Variants in PCDH15 observed in about 807,000 individuals in gnomAD.
The protein encoded by PCDH15 is protocadherin related 15.
Under a neutral mutation model 178.5 loss-of-function variants are expected in PCDH15, and 129 were observed. The observed-to-expected ratio is 0.72, with a 90% CI of 0.63 to 0.84. The LOEUF (loss-of-function observed/expected upper bound fraction) is 0.84, where lower values mean the gene tolerates loss of function less well. PCDH15 is among the 40% of genes least tolerant of loss of function. PCDH15 has a pLI of 0.00. For synonymous variants in PCDH15, 800 were observed against 732.0 expected (o/e 1.09, Z -1.50); for missense variants, 2,230 against 2,099.9 (o/e 1.06, Z -1.21).
chr10:55,084,732 AAAAT>A (rs2132029538), intron 2 of PCDH15, among the ~76,000 whole-genome samples: 1 of 152,180 alleles, frequency 6.6e-6, no homozygotes, highest in South Asian at 2.1e-4. Context: ...ATATAGGAAA[AAAAT>A]CTAACAATCT....
chr10:54,599,542 A>G, intron 2 of PCDH15: 1 of 192,924 alleles, frequency 5.2e-6, no homozygotes, highest in Non-Finnish European at 1.0e-5. Flanking sequence ...AAAACCCAAA[A>G]CTATAAAAGC....
At position 54,984,366 on chromosome 10, in the gene PCDH15, ACT is replaced by A. The variant is rs893584475; in HGVS notation, c.-79-86868_-79-86867del. 2.5e-4 allele frequency among the ~76,000 whole-genome samples: 38 copies of A among 152,044 alleles called. 2 individuals are homozygous for A. Among genetic ancestry groups the A allele is most frequent in the African/African-American group, 8.9e-4 (37 of 41,478 alleles). Reference sequence around the variant, plus strand: ...CTCCCTTCTCCTTTTTCCCTTGGAGACTCTCATTACAGAGAGATCCTGCCCCA... The same window carrying A: ...CTCCCTTCTCCTTTTTCCCTTGGAGACTCATTACAGAGAGATCCTGCCCCA... On this transcript the variant is annotated intron_variant, in intron 2 of 5. Coordinates refer to the PCDH15 transcript ENST00000458638.
At chr10:53,974,764 TTTC>T (rs1489203390) in intron 21 of PCDH15, among the ~76,000 whole-genome samples, 1 of 152,170 alleles carries the variant, frequency 6.6e-6, no homozygotes, top group African/African-American at 2.4e-5. Context: ...CTCTGCCCTT[TTTC>T]TTATTTTTTT....
At chr10:55,108,895 G>T (rs1837425620) in intron 2 of PCDH15, among the ~76,000 whole-genome samples, 1 of 152,076 alleles carries the variant, frequency 6.6e-6, no homozygotes, top group South Asian at 2.1e-4. Context: ...AAAGAAAAGA[G>T]AACAGATTTT....
At chr10:54,398,261 A>G (rs1241091655) in intron 3 of PCDH15, among the ~76,000 whole-genome samples, 1 of 151,916 alleles carries the variant, frequency 6.6e-6, no homozygotes. Context: ...TTAAAAAAAC[A>G]CTATGGAAGA....
chr10:55,206,544 G>T (rs1252910474), intron 1 of PCDH15, among the ~76,000 whole-genome samples: 1 of 152,040 alleles, frequency 6.6e-6, no homozygotes, highest in Non-Finnish European at 1.5e-5. Flanking sequence ...AAAGTAAAAA[G>T]AATTTTGTGG....
chr10:54,998,552 T>A (rs948018998), intron 2 of PCDH15, among the ~76,000 whole-genome samples: 1 of 152,134 alleles, frequency 6.6e-6, no homozygotes, highest in Non-Finnish European at 1.5e-5. Flanking sequence ...GCCCAATAGA[T>A]AATTGGAGAC....
rs1844867017 is a variant in PCDH15, at chr10:55,349,941, T to C, written c.-155-183290A>G. On this transcript the variant is annotated intron_variant, in intron 2 of 5. Transcript: ENST00000613346. Reference sequence around the variant, plus strand: ...TATCAGCTTTTTTTTACTTCCTTTCTACACTTGGTATAATAATCCATTCCA... The same window carrying C: ...TATCAGCTTTTTTTTACTTCCTTTCCACACTTGGTATAATAATCCATTCCA... Among the ~76,000 whole-genome samples the C allele has an allele frequency of 2.0e-5, 3 of 151,878 alleles. No homozygotes were observed. In the South Asian group the frequency reaches 6.2e-4, roughly 32 times the overall value.
At chr10:55,046,555 T>A (rs1204053410) in intron 2 of PCDH15, among the ~76,000 whole-genome samples, 2 of 151,938 alleles carry the variant, frequency 1.3e-5, no homozygotes, top group African/African-American at 2.4e-5. Context: ...AGGCAGAGAA[T>A]AATTTACATT....
intron 8 of PCDH15, among the ~76,000 whole-genome samples, chr10:54,280,506 G>A (rs531231327): frequency 6.6e-6 from 1 of 151,794 alleles, no homozygotes; most frequent in South Asian, 2.1e-4. Flanking sequence ...CTACATGTTA[G>A]AATAAATGGT....
At chr10:55,246,303 G>T (rs902793826) in intron 1 of PCDH15, among the ~76,000 whole-genome samples, 2 of 152,096 alleles carry the variant, frequency 1.3e-5, no homozygotes, top group African/African-American at 4.8e-5. Flanking sequence ...TATCCAATCA[G>T]ATATACATGG....
At chr10:54,917,595 A>T (rs1247655580) in intron 2 of PCDH15, among the ~76,000 whole-genome samples, 2 of 152,208 alleles carry the variant, frequency 1.3e-5, no homozygotes, top group African/African-American at 4.8e-5. Flanking sequence ...CAAGTGAAAC[A>T]GCTTCTGGGA....
intron 8 of PCDH15, among the ~76,000 whole-genome samples, chr10:54,242,939 C>A (rs144442358): frequency 0.022 from 3,378 of 152,182 alleles, 55 homozygotes; most frequent in South Asian, 0.076. Flanking sequence ...TTGCTTAGAT[C>A]TTTACACTGT....
intron 3 of PCDH15, among the ~76,000 whole-genome samples, chr10:54,844,586 G>A (rs1428491327): frequency 1.3e-5 from 2 of 151,832 alleles, no homozygotes; most frequent in South Asian, 4.2e-4. Context: ...CTTCACTCGT[G>A]ATTTGGTGCA....
intron 5 of PCDH15, among the ~76,000 whole-genome samples, chr10:54,358,319 G>GAA (rs1231037088): frequency 6.6e-6 from 1 of 151,316 alleles, no homozygotes; most frequent in African/African-American, 2.4e-5. Context: ...AAATTTACAA[G>GAA]AAAAAAACAA....
intron 2 of PCDH15, among the ~76,000 whole-genome samples, chr10:54,965,864 A>G (rs1838773740): frequency 6.6e-6 from 1 of 151,078 alleles, no homozygotes; most frequent in East Asian, 1.9e-4. Context: ...CATTAATATC[A>G]CATAGATACC....
chr10:55,426,704 G>A (rs942233101), intron 2 of PCDH15, among the ~76,000 whole-genome samples: 12 of 152,242 alleles, frequency 7.9e-5, no homozygotes, highest in Middle Eastern at 3.4e-3. Context: ...AATGTCCTAG[G>A]AGAAATGAGG....
chr10:54,102,799 G>A (rs918642451), intron 15 of PCDH15, among the ~76,000 whole-genome samples: 2 of 152,008 alleles, frequency 1.3e-5, no homozygotes, highest in Admixed American at 1.3e-4. Flanking sequence ...TGAGTCCAAG[G>A]ACCCACTGGA....
At chr10:55,363,317 C>T (rs1317813677) in intron 2 of PCDH15, among the ~76,000 whole-genome samples, 2 of 152,072 alleles carry the variant, frequency 1.3e-5, no homozygotes, top group East Asian at 1.9e-4. Flanking sequence ...ACCAGTAAAA[C>T]ACTGAAAGAC....
Sources: gnomAD v4.1 joint callset for allele counts (sites outside exome capture counted in the v4.1 genomes callset) on GRCh38, gnomAD v4.1.1 for gene constraint, MANE v1.5 for transcripts, NCBI Gene and HGNC (gene_info 2026-07-23, HGNC 2026-07-21) for gene names.